C10orf90: variants seen among roughly 807,000 people sequenced by gnomAD.
The protein encoded by C10orf90 is (E2-independent) E3 ubiquitin-conjugating enzyme FATS.
A neutral mutation model predicts 62.5 loss-of-function variants in C10orf90; 56 were observed. That is an observed-to-expected ratio of 0.90 (90% CI 0.72 to 1.12). C10orf90 has a LOEUF of 1.12. C10orf90 is among the 50% of genes most tolerant of loss of function. The pLI is 0.00. For missense variants in C10orf90, 970 were observed against 880.4 expected, an observed-to-expected ratio of 1.10 and a Z score of -1.29; for synonymous variants, 386 against 340.4, an observed-to-expected ratio of 1.13 and a Z score of -1.47.
At chr10:126,616,935 C>G (rs2133810194) in intron 2 of C10orf90, among the ~76,000 whole-genome samples, 1 of 152,276 alleles carries the variant, frequency 6.6e-6, no homozygotes, top group South Asian at 2.1e-4. Context: ...CCCACACCTC[C>G]CCTTCTAACC....
chr10:126,621,225 TATAA>T (rs1230013830), intron 2 of C10orf90, among the ~76,000 whole-genome samples: 3 of 152,248 alleles, frequency 2.0e-5, no homozygotes, highest in Non-Finnish European at 4.4e-5. Context: ...AGTTTCAACA[TATAA>T]ACTTAGATTT....
At chr10:126,650,305 G>T (rs1846265528) in intron 1 of C10orf90, among the ~76,000 whole-genome samples, 1 of 152,102 alleles carries the variant, frequency 6.6e-6, no homozygotes, top group South Asian at 2.1e-4. Flanking sequence ...AATGGAAACG[G>T]TAGTTTACCA....
chr10:126,670,228 G>A lies in C10orf90; in HGVS notation c.240+13C>T, dbSNP rs967887461. 1 of 456,462 alleles carries A rather than the reference G, an allele frequency of 2.2e-6. No homozygotes were observed. Among genetic ancestry groups the A allele is most frequent in the Non-Finnish European group, 4.4e-6 (1 of 226,802 alleles). 28.3% of individuals were successfully genotyped at this position (456,462 alleles called of 1,614,324 possible). A position where few individuals can be genotyped will look rare whatever the true frequency, so the allele number is the denominator to read the frequency against. Reference sequence around the variant, plus strand: ...AAGCGTGTACCCACTCACCCACCCAGGCTCAGCCATACCTCATATCTGCTG... The same window carrying A: ...AAGCGTGTACCCACTCACCCACCCAAGCTCAGCCATACCTCATATCTGCTG... On this transcript the variant is annotated intron_variant, in intron 1 of 9. Coordinates refer to ENST00000488181, the MANE Select transcript of C10orf90 (RefSeq NM_001350921.2).
Position 126,515,377 on chromosome 10 carries a change from G to T in C10orf90, c.314-1438C>A, listed in dbSNP as rs140010891. ...CCAGTCCGGCAAGCTCCATTCACGG[G>T]AATTGTCCTATACAGGTAGGCCATT... On this transcript the variant is annotated intron_variant, in intron 2 of 9. Transcript: ENST00000488181. 5.7e-3 allele frequency among the ~76,000 whole-genome samples: 875 copies of T among 152,270 alleles called. 7 individuals carry two copies. The highest frequency in any genetic ancestry group is 0.02 in the African/African-American group (821 of 41,538).
chr10:126,619,357 C>A (rs1410610125), intron 2 of C10orf90, among the ~76,000 whole-genome samples: 1 of 152,192 alleles, frequency 6.6e-6, no homozygotes, highest in Non-Finnish European at 1.5e-5. Context: ...AGCTTCAGCA[C>A]TGACCGCTCA....
intron 2 of C10orf90, among the ~76,000 whole-genome samples, chr10:126,552,838 T>C (rs945019820): frequency 6.6e-6 from 1 of 152,200 alleles, no homozygotes; most frequent in Non-Finnish European, 1.5e-5. Flanking sequence ...AAAACCAATA[T>C]CTATATCTTA....
intron 2 of C10orf90, among the ~76,000 whole-genome samples, chr10:126,600,890 C>T (rs1845186203): frequency 6.6e-6 from 1 of 152,176 alleles, no homozygotes; most frequent in African/African-American, 2.4e-5. Context: ...TCCACACTCT[C>T]CAGTCCCTGG....
intron 4 of C10orf90, among the ~76,000 whole-genome samples, chr10:126,499,088 G>A (rs1232791772): frequency 2.0e-5 from 3 of 152,204 alleles, no homozygotes; most frequent in Non-Finnish European, 4.4e-5. Flanking sequence ...CTGGCCCACT[G>A]CTTGTTAGTG....
In C10orf90 at chr10:126,670,416, G is replaced by A. The variant is rs1196656503; in HGVS notation, c.65C>T (p.Thr22Met). 22 of 456,598 alleles carry A rather than the reference G, an allele frequency of 4.8e-5. No individual in the cohort carries two copies. In the East Asian group the frequency reaches 1.2e-3, roughly 26 times the overall value. The allele number at this position is 456,598 out of a possible 1,614,324, so 28.3% of individuals were successfully genotyped here. A position where few individuals can be genotyped will look rare whatever the true frequency, so the allele number is the denominator to read the frequency against. ...PQGYAARYTE[T>M]AVHRTFQIKT... ...TATCTGGAAAGTCCGATGCACGGCC[G>A]TTTCTGTGTAGCGGGCAGCATACCC... Residue 22 changes from threonine (T) to methionine (M), a missense_variant, in exon 1 of 10, where the codon ACG becomes ATG. Coordinates refer to ENST00000488181, the MANE Select transcript of C10orf90 (RefSeq NM_001350921.2).
intron 2 of C10orf90, among the ~76,000 whole-genome samples, chr10:126,517,236 T>C (rs935763101): frequency 6.6e-6 from 1 of 152,122 alleles, no homozygotes; most frequent in Admixed American, 6.5e-5. Flanking sequence ...GTGCTTACAA[T>C]GCTATGTTTA....
At chr10:126,548,015 C>A (rs1172943352) in intron 2 of C10orf90, among the ~76,000 whole-genome samples, 1 of 151,790 alleles carries the variant, frequency 6.6e-6, no homozygotes, top group African/African-American at 2.4e-5. Flanking sequence ...AGACCAAAAC[C>A]TACAAATTTA....
At chr10:126,615,300 T>C (rs919897779) in intron 2 of C10orf90, among the ~76,000 whole-genome samples, 9 of 152,308 alleles carry the variant, frequency 5.9e-5, no homozygotes, top group South Asian at 2.1e-4. Flanking sequence ...GCATAATTCA[T>C]TGGAGGCCAC....
chr10:126,546,247 C>A (rs538601454), intron 2 of C10orf90, among the ~76,000 whole-genome samples: 1 of 152,218 alleles, frequency 6.6e-6, no homozygotes, highest in South Asian at 2.1e-4. Flanking sequence ...TGCCCACATG[C>A]CAGCAAAGGC....
intron 1 of C10orf90, among the ~76,000 whole-genome samples, chr10:126,647,609 G>A (rs1346835477): frequency 1.3e-5 from 2 of 152,166 alleles, no homozygotes; most frequent in Non-Finnish European, 2.9e-5. Flanking sequence ...GACCTAACCT[G>A]GGCTGAGAGC....
chr10:126,612,336 T>A (rs1220491522), intron 2 of C10orf90, among the ~76,000 whole-genome samples: 2 of 151,728 alleles, frequency 1.3e-5, no homozygotes, highest in Non-Finnish European at 2.9e-5. Flanking sequence ...AAAAAAAAAA[T>A]CAAGTGCTCA....
intron 2 of C10orf90, among the ~76,000 whole-genome samples, chr10:126,575,858 T>G (rs2134008890): frequency 6.6e-6 from 1 of 152,182 alleles, no homozygotes; most frequent in East Asian, 1.9e-4. Context: ...CTGGAAAAAC[T>G]GAGTCACTAT....
At chr10:126,546,115 G>A (rs550707142) in intron 2 of C10orf90, among the ~76,000 whole-genome samples, 4 of 152,214 alleles carry the variant, frequency 2.6e-5, no homozygotes, top group Non-Finnish European at 5.9e-5. Context: ...AAAAACCCCA[G>A]GCAAAGCCTG....
intron 8 of C10orf90, among the ~76,000 whole-genome samples, chr10:126,428,130 C>T (rs991343574): frequency 3.3e-5 from 5 of 152,096 alleles, no homozygotes; most frequent in Non-Finnish European, 5.9e-5. Context: ...AAGTGAAAAG[C>T]AAGCTACCGA....
intron 2 of C10orf90, among the ~76,000 whole-genome samples, chr10:126,537,406 C>A (rs575928198): frequency 6.6e-6 from 1 of 152,290 alleles, no homozygotes; most frequent in African/African-American, 2.4e-5. Flanking sequence ...CAACCTAGCC[C>A]CCCAAAACTC....
Sources: gnomAD v4.1 joint callset for allele counts (sites outside exome capture counted in the v4.1 genomes callset) on GRCh38, gnomAD v4.1.1 for gene constraint, MANE v1.5 for transcripts, NCBI Gene and HGNC (gene_info 2026-07-23, HGNC 2026-07-21) for gene names.